PCCA: variants seen among roughly 807,000 people sequenced by gnomAD.
The protein encoded by PCCA is propionyl-CoA carboxylase alpha chain, mitochondrial.
A neutral mutation model predicts 101.3 loss-of-function variants in PCCA; 74 were observed. The ratio of observed to expected loss-of-function variants is 0.73; its 90% CI spans 0.61 to 0.89. The LOEUF (loss-of-function observed/expected upper bound fraction) is 0.89, where lower values mean the gene tolerates loss of function less well. PCCA is among the 40% of genes least tolerant of loss of function. PCCA has a pLI of 0.00. For missense variants in PCCA, 891 were observed against 907.0 expected (o/e 0.98, Z 0.23); for synonymous variants, 294 against 313.6 (o/e 0.94, Z 0.66).
chr13:100,401,640 G>A (rs1359957724), intron 19 of PCCA, among the ~76,000 whole-genome samples: 1 of 151,918 alleles, frequency 6.6e-6, no homozygotes, highest in African/African-American at 2.4e-5. Context: ...ACCATTCCCA[G>A]TCATTTTCTA....
At chr13:100,123,348 C>T (rs897062803) in intron 4 of PCCA, among the ~76,000 whole-genome samples, 2 of 152,178 alleles carry the variant, frequency 1.3e-5, no homozygotes, top group Non-Finnish European at 2.9e-5. Flanking sequence ...AGCCACTGCA[C>T]CTGGCCCTGA....
intron 16 of PCCA, among the ~76,000 whole-genome samples, chr13:100,326,849 T>G (rs2068746983): frequency 6.6e-6 from 1 of 152,196 alleles, no homozygotes; most frequent in Non-Finnish European, 1.5e-5. Flanking sequence ...TATATAAAAC[T>G]TGTAATTGAC....
Position 100,394,516 on chromosome 13 carries a change from A to C in PCCA, c.1746+25942A>C, listed in dbSNP as rs1442176622. ...AGGCATGAACTGAAAATAGGCGTAA[A>C]CTTGAGTAATTCCCTAAACCCAAAA... On this transcript the variant is annotated intron_variant, in intron 19 of 23. Transcript: ENST00000376285. The surrounding 1 kb of genome is among the most constrained non-coding windows in gnomAD (Gnocchi z 4.3). Among the ~76,000 whole-genome samples, 2 of 152,142 alleles carry C rather than the reference A, an allele frequency of 1.3e-5. No individual in the cohort carries two copies. Among genetic ancestry groups the C allele is most frequent in the African/African-American group, 4.8e-5 (2 of 41,448 alleles).
chr13:100,525,850 C>G (rs1247162003), intron 22 of PCCA, among the ~76,000 whole-genome samples: 1 of 152,214 alleles, frequency 6.6e-6, no homozygotes, highest in Non-Finnish European at 1.5e-5. Context: ...CATGCAGTCC[C>G]CAGGAAGCTC....
intron 22 of PCCA, among the ~76,000 whole-genome samples, chr13:100,519,734 T>C (rs1421065064): frequency 6.6e-6 from 1 of 152,254 alleles, no homozygotes; most frequent in Non-Finnish European, 1.5e-5. Flanking sequence ...GTGAGATACC[T>C]TTATTTTTTA....
At chr13:100,325,805 A>G (rs757370374) in intron 16 of PCCA, among the ~76,000 whole-genome samples, 1 of 152,104 alleles carries the variant, frequency 6.6e-6, no homozygotes, top group Non-Finnish European at 1.5e-5. Flanking sequence ...CTTTGTCCCT[A>G]AAGTCTGGAA....
intron 12 of PCCA, among the ~76,000 whole-genome samples, chr13:100,281,548 A>G (rs1256633322): frequency 6.6e-6 from 1 of 152,092 alleles, no homozygotes; most frequent in Non-Finnish European, 1.5e-5. Context: ...TTAGTTTCTT[A>G]TTTTGTTGAA....
In PCCA at chr13:100,330,657, C is replaced by T. The variant is rs774920080; in HGVS notation, c.1526C>T (p.Pro509Leu). Residue 509 changes from proline to leucine, a missense_variant, in exon 17 of 24, where the codon CCT (proline) becomes CTT (leucine). Transcript: ENST00000376285. ...ISTKFLSDVY[P>L]DGFKGHMLTK... is the part of the protein sequence containing the mutation. The stretch of plus-strand genomic sequence containing the variant: ...ACTAAATTTCTCTCCGATGTGTATC[C>T]TGATGGCTTCAAAGGTTTGTATGCA... 1 of 1,599,406 alleles carries T rather than the reference C, an allele frequency of 6.3e-7. No individual in the cohort carries two copies. Among genetic ancestry groups the T allele is most frequent in the South Asian group, 1.1e-5 (1 of 90,786 alleles).
chr13:100,354,301 G>C (rs2073696336), intron 18 of PCCA, among the ~76,000 whole-genome samples: 1 of 129,080 alleles, frequency 7.7e-6, no homozygotes, highest in Non-Finnish European at 1.6e-5. Context: ...GAGAGAGAGA[G>C]AGAGAAAGAA....
At chr13:100,094,656 C>T (rs926675515) in intron 1 of PCCA, among the ~76,000 whole-genome samples, 3 of 152,148 alleles carry the variant, frequency 2.0e-5, no homozygotes, top group African/African-American at 7.2e-5. Flanking sequence ...GGTGTGATCT[C>T]CGCTCACGGC....
chr13:100,235,397 A>C (rs764201508), intron 7 of PCCA, among the ~76,000 whole-genome samples: 3 of 152,164 alleles, frequency 2.0e-5, no homozygotes, highest in Non-Finnish European at 4.4e-5. Flanking sequence ...ATATTTCTGC[A>C]AAATCGATCA....
At chr13:100,144,164 C>T (rs767335108) in intron 4 of PCCA, among the ~76,000 whole-genome samples, 2 of 152,106 alleles carry the variant, frequency 1.3e-5, no homozygotes, top group South Asian at 4.1e-4. Context: ...TTCATGATTA[C>T]CTTCAATGTC....
chr13:100,277,921 G>T (rs1357535344), intron 12 of PCCA, among the ~76,000 whole-genome samples: 3 of 152,126 alleles, frequency 2.0e-5, no homozygotes, highest in East Asian at 3.8e-4. Context: ...AAATAATGTG[G>T]CTGATTTTCC....
chr13:100,396,970 C>T (rs1035627321), intron 19 of PCCA, among the ~76,000 whole-genome samples: 7 of 152,098 alleles, frequency 4.6e-5, no homozygotes, highest in Admixed American at 6.5e-5. Context: ...CACGATAGGG[C>T]GCGCACCTAC....
At chr13:100,350,012 A>G (rs550235651) in intron 18 of PCCA, among the ~76,000 whole-genome samples, 2 of 152,342 alleles carry the variant, frequency 1.3e-5, no homozygotes, top group South Asian at 4.1e-4. Context: ...GGTTTCAGAT[A>G]TAGAATTTAT....
intron 6 of PCCA, among the ~76,000 whole-genome samples, chr13:100,162,486 A>G (rs2054588040): frequency 6.6e-6 from 1 of 152,126 alleles, no homozygotes; most frequent in Admixed American, 6.5e-5. Flanking sequence ...CTGGGCCGTT[A>G]GTGGTATTTG....
intron 17 of PCCA, among the ~76,000 whole-genome samples, chr13:100,331,697 G>A (rs1002931835): frequency 6.6e-6 from 1 of 152,030 alleles, no homozygotes; most frequent in Non-Finnish European, 1.5e-5. Flanking sequence ...TTATTAGGTT[G>A]TTTTTCATAA....
chr13:100,262,747 A>G lies in PCCA; in HGVS notation c.735A>G (p.Ser245=). 1 of 1,567,220 alleles carries G rather than the reference A, an allele frequency of 6.4e-7. No homozygotes were observed. Among genetic ancestry groups the G allele is most frequent in the Non-Finnish European group, 8.7e-7 (1 of 1,149,208 alleles). ...TTCACAGGGATGGTTTTAGATTGTC[A>G]TCTCAAGAAGCTGCTTCTAGTTTTG... ...DEETRDGFRL[S]SQEAASSFGD... is the part of the protein sequence containing the mutation. Residue 245 remains serine (S), a synonymous_variant, in exon 10 of 24, where the codon TCA becomes TCG. Transcript: ENST00000376285.
intron 12 of PCCA, among the ~76,000 whole-genome samples, chr13:100,283,315 G>A (rs939231345): frequency 2.0e-5 from 3 of 152,144 alleles, no homozygotes; most frequent in Non-Finnish European, 4.4e-5. Context: ...TCCCCAGTAT[G>A]GATCCCCACT....
Sources: allele counts gnomAD v4.1 joint callset (sites outside exome capture counted in the v4.1 genomes callset), GRCh38; gene constraint gnomAD v4.1.1; non-coding constraint Gnocchi (gnomAD v3.1); transcripts MANE v1.5; gene names NCBI Gene and HGNC (gene_info 2026-07-23, HGNC 2026-07-21).